The following FRMPD4 variants were observed in gnomAD, a reference collection of about 807,000 sequenced individuals.
The protein encoded by FRMPD4 is FERM and PDZ domain-containing protein 4.
In FRMPD4, 22 loss-of-function variants were observed where a neutral mutation model predicts 94.1. The observed-to-expected ratio is 0.23, with a 90% CI of 0.17 to 0.33. FRMPD4 has a LOEUF of 0.33. FRMPD4 is among the 10% of genes least tolerant of loss of function. The probability of loss-of-function intolerance (pLI) is 1.00; values close to 1 mark genes in which losing one functional copy is unlikely to be tolerated. For synonymous variants in FRMPD4, 631 were observed against 548.6 expected, an observed-to-expected ratio of 1.15 and a Z score of -2.10; for missense variants, 1,111 against 1,339.9, an observed-to-expected ratio of 0.83 and a Z score of 2.67.
intron 2 of FRMPD4, among the ~76,000 whole-genome samples, chrX:12,515,486 T>C (rs1217909635): frequency 8.9e-6 from 1 of 111,904 alleles, no homozygotes; most frequent in Non-Finnish European, 1.9e-5. Context: ...TCAATTTTCA[T>C]GTAATTGTGT....
chrX:12,702,078 T>C (rs1002441506), intron 10 of FRMPD4, 68 bp downstream of exon 10: 47 of 1,072,268 alleles, frequency 4.4e-5, no homozygotes, highest in East Asian at 6.1e-5. Flanking sequence ...GGTGTATTTT[T>C]GTTATTTGTC....
At chrX:12,226,518 GT>G (rs1435932710) in intron 1 of FRMPD4, among the ~76,000 whole-genome samples, 2 of 111,352 alleles carry the variant, frequency 1.8e-5, no homozygotes, top group East Asian at 2.8e-4. Flanking sequence ...CGGGTCCGAG[GT>G]TTTTTTTCCC....
chrX:11,887,741 G>A (rs866165363), intron 3 of FRMPD4, among the ~76,000 whole-genome samples: 3 of 111,678 alleles, frequency 2.7e-5, no homozygotes, highest in African/African-American at 9.8e-5. Flanking sequence ...TATTAAACTA[G>A]TCCTTTGTCT....
Position 12,550,299 on chromosome X carries a change from A to G in FRMPD4, c.158+51503A>G, listed in dbSNP as rs953229835. 2.7e-5 allele frequency among the ~76,000 whole-genome samples: 3 copies of G among 110,025 alleles called. No individual in the cohort carries two copies. In the Admixed American group the frequency reaches 2.9e-4, roughly 11 times the overall value. ...TAATTAAAGTATATAAAATTGATAG[A>G]CAATAAATTTTATTATAAAGTTCTG... On this transcript the variant is annotated intron_variant, in intron 2 of 16. Transcript: ENST00000675598.
At chrX:11,915,037 G>A (rs192071565) in intron 3 of FRMPD4, among the ~76,000 whole-genome samples, 1 of 112,010 alleles carries the variant, frequency 8.9e-6, no homozygotes. Flanking sequence ...GAGCTTTCTA[G>A]CAATGCAAAA....
At chrX:11,882,895 G>C (rs1199847893) in intron 3 of FRMPD4, among the ~76,000 whole-genome samples, 1 of 111,624 alleles carries the variant, frequency 9.0e-6, no homozygotes, top group Non-Finnish European at 1.9e-5. Flanking sequence ...AAGAGGTATA[G>C]GGTTTGGTCT....
At chrX:12,497,955 C>CA (rs2057870349) in intron 1 of FRMPD4, among the ~76,000 whole-genome samples, 1 of 111,193 alleles carries the variant, frequency 9.0e-6, no homozygotes, top group Non-Finnish European at 1.9e-5. Context: ...GCCCCTGCCA[C>CA]ACTCACTAGC....
chrX:12,598,411 G>C, intron 2 of FRMPD4, among the ~76,000 whole-genome samples: 1 of 111,586 alleles, frequency 9.0e-6, no homozygotes, highest in East Asian at 2.8e-4. Context: ...TCAAAAGGAA[G>C]GAGTAAGAAG....
At chrX:12,097,930 A>G (rs1264777598) in intron 3 of FRMPD4, among the ~76,000 whole-genome samples, 1 of 112,290 alleles carries the variant, frequency 8.9e-6, no homozygotes, top group African/African-American at 3.2e-5. Context: ...TCTTGGTTAG[A>G]TACCTAAGGG....
chrX:12,107,378 C>A (rs1215937562), intron 3 of FRMPD4, among the ~76,000 whole-genome samples: 1 of 111,855 alleles, frequency 8.9e-6, no homozygotes, highest in Admixed American at 9.5e-5. Context: ...GAAAGGGCAT[C>A]CACACCAAAA....
chrX:12,453,936 T>G (rs1046345749), intron 1 of FRMPD4, among the ~76,000 whole-genome samples: 1 of 112,533 alleles, frequency 8.9e-6, no homozygotes, highest in African/African-American at 3.2e-5. Flanking sequence ...ATTTTATTCT[T>G]CTGTTTTATC....
intron 1 of FRMPD4, among the ~76,000 whole-genome samples, chrX:11,850,037 G>T (rs1057304893): frequency 2.7e-5 from 3 of 111,634 alleles, no homozygotes; most frequent in African/African-American, 9.8e-5. Flanking sequence ...ATCTGATAAG[G>T]GGCTAATATA....
At chrX:12,190,694 T>TAAA (rs35306041) in intron 1 of FRMPD4, among the ~76,000 whole-genome samples, 33 of 86,972 alleles carry the variant, frequency 3.8e-4, no homozygotes, top group East Asian at 7.4e-4. Flanking sequence ...ACATCCACAT[T>TAAA]AAAAAAAAAA....
intron 3 of FRMPD4, among the ~76,000 whole-genome samples, chrX:12,084,641 C>T (rs1400261965): frequency 9.0e-6 from 1 of 111,665 alleles, no homozygotes; most frequent in Non-Finnish European, 1.9e-5. Flanking sequence ...AACAAATAAG[C>T]ATGGATTTTG....
intron 1 of FRMPD4, among the ~76,000 whole-genome samples, chrX:12,192,194 C>T (rs1019850364): frequency 4.5e-5 from 5 of 111,822 alleles, no homozygotes; most frequent in African/African-American, 1.6e-4. Context: ...GTTGAAGCAA[C>T]TGTGTCACAT....
intron 1 of FRMPD4, among the ~76,000 whole-genome samples, chrX:12,488,330 A>G (rs1308093106): frequency 8.9e-6 from 1 of 112,236 alleles, no homozygotes; most frequent in Admixed American, 9.5e-5. Context: ...CTTGATAGTA[A>G]AGCTATCTTA....
chrX:12,710,973 G>A (rs1482171152), intron 14 of FRMPD4, among the ~76,000 whole-genome samples: 2 of 111,573 alleles, frequency 1.8e-5, no homozygotes, highest in African/African-American at 6.5e-5. Context: ...AAAATCAAAT[G>A]TCCAAATTCA....
intron 2 of FRMPD4, among the ~76,000 whole-genome samples, chrX:12,583,037 C>T (rs1299575970): frequency 8.9e-6 from 1 of 111,945 alleles, no homozygotes; most frequent in Non-Finnish European, 1.9e-5. Context: ...TCCTATGCTC[C>T]CTCCTCAATC....
chrX:12,320,112 C>A (rs1244403380), intron 1 of FRMPD4, among the ~76,000 whole-genome samples: 1 of 111,943 alleles, frequency 8.9e-6, no homozygotes, highest in Non-Finnish European at 1.9e-5. Context: ...TGTGAAACCA[C>A]TGGTGTTTTT....
Sources: gnomAD v4.1 joint callset for allele counts (sites outside exome capture counted in the v4.1 genomes callset) on GRCh38, gnomAD v4.1.1 for gene constraint, MANE v1.5 for transcripts, NCBI Gene and HGNC (gene_info 2026-07-23, HGNC 2026-07-21) for gene names.